The following ZNF678 variants were observed in gnomAD, a reference collection of about 807,000 sequenced individuals.
ZNF678 encodes hypothetical protein MGC42493.
A neutral mutation model predicts 3.0 loss-of-function variants in ZNF678; 5 were observed. That is an observed-to-expected ratio of 1.69 (90% CI 0.88 to 3.56). ZNF678 has a LOEUF of 3.56. Ranked by LOEUF, ZNF678 falls within the 30% of genes most tolerant of loss-of-function variation. ZNF678 has a pLI of 0.00. For missense variants in ZNF678, 593 were observed against 605.0 expected, an observed-to-expected ratio of 0.98 and a Z score of 0.21; for synonymous variants, 218 against 199.6, an observed-to-expected ratio of 1.09 and a Z score of -0.78.
At chr1:227,597,403 GT>G (rs777305114) in intron 1 of ZNF678, among the ~76,000 whole-genome samples, 32 of 152,322 alleles carry the variant, frequency 2.1e-4, no homozygotes, top group East Asian at 7.7e-4. Context: ...TTTTTGGCCA[GT>G]TTTGGGGCCA....
At chr1:227,669,774 C>T (rs994874432) in intron 5 of ZNF678, among the ~76,000 whole-genome samples, 1 of 152,146 alleles carries the variant, frequency 6.6e-6, no homozygotes, top group African/African-American at 2.4e-5. Flanking sequence ...AGTTCAGCCA[C>T]TGTGGAAAGC....
chr1:227,593,861 C>G (rs997938228), intron 1 of ZNF678, among the ~76,000 whole-genome samples: 937 of 69,742 alleles, frequency 0.013, 12 homozygotes, highest in African/African-American at 0.073. Flanking sequence ...TCCATCCCCC[C>G]CCCCCCTTTT....
chr1:227,571,544 A>G (rs146193099), intron 1 of ZNF678, among the ~76,000 whole-genome samples: 139 of 152,366 alleles, frequency 9.1e-4, no homozygotes, highest in African/African-American at 3.2e-3. Flanking sequence ...TGAATTAGCC[A>G]TATGTGTATT....
intron 1 of ZNF678, among the ~76,000 whole-genome samples, chr1:227,614,390 A>G (rs1255602966): frequency 6.6e-6 from 1 of 152,152 alleles, no homozygotes; most frequent in East Asian, 1.9e-4. Context: ...ATGAAAACGG[A>G]CTTTGCTGCC....
chr1:227,570,792 AT>A (rs1462574726), intron 1 of ZNF678, among the ~76,000 whole-genome samples: 3 of 151,560 alleles, frequency 2.0e-5, no homozygotes, highest in Non-Finnish European at 4.4e-5. Flanking sequence ...TTTGTGTGTT[AT>A]TTTAGGTTCA....
chr1:227,649,893 C>T (rs1182253229), intron 2 of ZNF678, among the ~76,000 whole-genome samples: 2 of 151,936 alleles, frequency 1.3e-5, no homozygotes, highest in Admixed American at 6.6e-5. Flanking sequence ...CTTTTGATTT[C>T]TGAGTTCCTC....
Position 227,655,004 on chromosome 1 carries a change from C to G in ZNF678, c.754C>G (p.Leu252Val). ...CCKAFNKFSNLTQHKRIHTGE... is the reference protein window; with the variant it reads ...CCKAFNKFSNVTQHKRIHTGE... ...CAAAGCCTTTAACAAGTTCTCAAAC[C>G]TTACTCAACATAAGAGAATTCATAC... Residue 252 changes from leucine (L) to valine (V), a missense_variant, in exon 4 of 4, where the codon CTT becomes GTT. Coordinates refer to ENST00000343776, the MANE Select transcript of ZNF678 (RefSeq NM_001367909.1). The G allele has an allele frequency of 6.2e-7, 1 of 1,611,880 alleles. No individual in the cohort carries two copies. The highest frequency in any genetic ancestry group is 1.1e-5 in the South Asian group (1 of 90,926).
chr1:227,633,072 G>C (rs1391093172), intron 1 of ZNF678, among the ~76,000 whole-genome samples: 1 of 152,150 alleles, frequency 6.6e-6, no homozygotes, highest in Non-Finnish European at 1.5e-5. Context: ...GCCCAATCAG[G>C]AGTGGCAATG....
intron 1 of ZNF678, among the ~76,000 whole-genome samples, chr1:227,643,080 T>C (rs890399297): frequency 4.6e-5 from 7 of 152,098 alleles, no homozygotes; most frequent in African/African-American, 7.2e-5. Context: ...AACTTGGGCT[T>C]CATTTGAGCT....
At chr1:227,674,208 T>C (rs1398729767) in intron 5 of ZNF678, among the ~76,000 whole-genome samples, 2 of 152,186 alleles carry the variant, frequency 1.3e-5, no homozygotes, top group Non-Finnish European at 2.9e-5. Flanking sequence ...AGATTATAGG[T>C]TAGTTTATTT....
chr1:227,655,416 T>C lies in ZNF678; in HGVS notation c.1166T>C (p.Phe389Ser). The change falls in exon 4 of 4, where the codon TTC becomes TCC. Residue 389 changes from phenylalanine (F) to serine (S), a missense_variant. By Grantham distance (155) the Phe-to-Ser change is radical. Transcript: ENST00000343776. ...CKECGKAFNK[F>S]SSLTQHRRIH... ...GAATGTGGCAAAGCGTTTAACAAGT[T>C]CTCAAGCCTTACTCAACATAGGAGA... The C allele has an allele frequency of 6.2e-7, 1 of 1,611,216 alleles. No individual in the cohort carries two copies. The highest frequency in any genetic ancestry group is 8.5e-7 in the Non-Finnish European group (1 of 1,178,936).
At chr1:227,640,901 T>C (rs553864395) in intron 1 of ZNF678, among the ~76,000 whole-genome samples, 1 of 152,206 alleles carries the variant, frequency 6.6e-6, no homozygotes, top group South Asian at 2.1e-4. Flanking sequence ...ACTGCTGCCT[T>C]TTTCCTCCCC....
chr1:227,621,653 T>TA (rs1658282872), intron 1 of ZNF678, among the ~76,000 whole-genome samples: 2 of 152,114 alleles, frequency 1.3e-5, no homozygotes, highest in Admixed American at 1.3e-4. Context: ...TGCCTTTTAC[T>TA]AAAAAAATGA....
intron 5 of ZNF678, among the ~76,000 whole-genome samples, chr1:227,675,653 T>C (rs1659666187): frequency 6.6e-6 from 1 of 152,080 alleles, no homozygotes; most frequent in South Asian, 2.1e-4. Flanking sequence ...TTTTTTTACA[T>C]CTTTAAAATT....
intron 3 of ZNF678, among the ~76,000 whole-genome samples, chr1:227,652,698 C>A (rs758882115): frequency 6.6e-6 from 1 of 151,948 alleles, no homozygotes; most frequent in Non-Finnish European, 1.5e-5. Flanking sequence ...TTATTGATGT[C>A]ACTAATTATA....
intron 1 of ZNF678, among the ~76,000 whole-genome samples, chr1:227,586,762 G>C (rs1657273324): frequency 6.6e-6 from 1 of 152,174 alleles, no homozygotes; most frequent in African/African-American, 2.4e-5. Flanking sequence ...TAGTTAATAA[G>C]CTAAAGTCAG....
intron 1 of ZNF678, among the ~76,000 whole-genome samples, chr1:227,568,104 A>G (rs1279461710): frequency 2.6e-5 from 4 of 152,184 alleles, no homozygotes; most frequent in East Asian, 3.8e-4. Flanking sequence ...GTGTGTGTCA[A>G]AGTTCAGGGG....
At chr1:227,598,592 GGAT>G (rs1274380504) in intron 1 of ZNF678, 1 of 631,758 alleles carries the variant, frequency 1.6e-6, no homozygotes, top group Non-Finnish European at 2.7e-6. Context: ...ACAAGGACTT[GGAT>G]GATAAAGGTT....
At chr1:227,622,721 G>T (rs927315801) in intron 1 of ZNF678, among the ~76,000 whole-genome samples, 7 of 152,122 alleles carry the variant, frequency 4.6e-5, no homozygotes, top group Non-Finnish European at 1.0e-4. Context: ...AGCCCCTCCT[G>T]CCTCCATTGA....
Sources: allele counts gnomAD v4.1 joint callset (sites outside exome capture counted in the v4.1 genomes callset), GRCh38; gene constraint gnomAD v4.1.1; transcripts MANE v1.5; gene names NCBI Gene and HGNC (gene_info 2026-07-23, HGNC 2026-07-21).